CCDC170: variants seen among roughly 807,000 people sequenced by gnomAD.
CCDC170 encodes coiled-coil domain containing 170.
A neutral mutation model predicts 72.6 loss-of-function variants in CCDC170; 69 were observed. That is an observed-to-expected ratio of 0.95 (90% CI 0.78 to 1.16). The LOEUF (loss-of-function observed/expected upper bound fraction) is 1.16. Ranked by LOEUF, CCDC170 falls within the 50% of genes most tolerant of loss-of-function variation. The pLI is 0.00. For synonymous variants in CCDC170, 300 were observed against 303.9 expected, an observed-to-expected ratio of 0.99 and a Z score of 0.13; for missense variants, 852 against 832.5, an observed-to-expected ratio of 1.02 and a Z score of -0.29.
At chr6:151,556,578 T>C (rs1782979547) in intron 5 of CCDC170, among the ~76,000 whole-genome samples, 1 of 152,256 alleles carries the variant, frequency 6.6e-6, no homozygotes, top group African/African-American at 2.4e-5. Flanking sequence ...AAGAATTTCA[T>C]GCCTCCTACT....
intron 5 of CCDC170, among the ~76,000 whole-genome samples, chr6:151,552,791 T>C (rs1782903650): frequency 7.2e-6 from 1 of 138,794 alleles, no homozygotes; most frequent in Admixed American, 7.3e-5. Context: ...TTTTTTTTTT[T>C]TTTTTTTTTT....
intron 7 of CCDC170, among the ~76,000 whole-genome samples, chr6:151,586,737 T>C (rs1041484322): frequency 1.3e-5 from 2 of 152,010 alleles, no homozygotes; most frequent in Non-Finnish European, 1.5e-5. Context: ...ATATGAAGTG[T>C]GGTAAGTGTG....
At chr6:151,592,314 C>A (rs1776553583) in intron 7 of CCDC170, among the ~76,000 whole-genome samples, 1 of 152,110 alleles carries the variant, frequency 6.6e-6, no homozygotes, top group African/African-American at 2.4e-5. Context: ...GAGCCAAGAT[C>A]AAGCCACTGT....
At chr6:151,602,170 C>T (rs1776719393) in intron 9 of CCDC170, among the ~76,000 whole-genome samples, 1 of 152,026 alleles carries the variant, frequency 6.6e-6, no homozygotes. Context: ...AATTCTAGAC[C>T]AAGAAAAAGT....
At chr6:151,580,035 C>A (rs1270367715) in intron 6 of CCDC170, among the ~76,000 whole-genome samples, 1 of 152,142 alleles carries the variant, frequency 6.6e-6, no homozygotes, top group Non-Finnish European at 1.5e-5. Context: ...TTACATCTTC[C>A]TTTAGGGTCA....
chr6:151,521,860 C>CTGTA (rs1782321503), intron 1 of CCDC170, among the ~76,000 whole-genome samples: 1 of 152,042 alleles, frequency 6.6e-6, no homozygotes, highest in Non-Finnish European at 1.5e-5. Context: ...GTGGCAGGCC[C>CTGTA]CTGTAGTCCC....
chr6:151,545,249 G>A (rs1463515922), intron 4 of CCDC170, among the ~76,000 whole-genome samples: 2 of 151,916 alleles, frequency 1.3e-5, no homozygotes, highest in African/African-American at 4.8e-5. Context: ...GAGAAACCCC[G>A]TCTCTACTAA....
rs1777003111 is a variant in CCDC170 at position 151,618,305 on chromosome 6, C to G, written c.*158C>G. 1 of 638,608 alleles carries G rather than the reference C, an allele frequency of 1.6e-6. No homozygotes were observed. The highest frequency in any genetic ancestry group is 2.1e-5 in the South Asian group (1 of 46,536). 39.6% of individuals were successfully genotyped at this position (638,608 alleles called of 1,614,324 possible). A position where few individuals can be genotyped will look rare whatever the true frequency, so the allele number is the denominator to read the frequency against. ...CTTGCAAAAACGATCTCAAAAGTGT[C>G]AGCCTTAGATAAACGTTCAGCATTA... is the stretch of plus-strand genomic sequence containing the variant. On this transcript the variant is annotated 3_prime_UTR_variant, in exon 11 of 11. Transcript: ENST00000239374.
chr6:151,562,181 C>T (rs1370466094), intron 5 of CCDC170, among the ~76,000 whole-genome samples: 1 of 151,866 alleles, frequency 6.6e-6, no homozygotes, highest in African/African-American at 2.4e-5. Flanking sequence ...ATTGAGTTTC[C>T]TTGCAATCCG....
At chr6:151,546,275 A>G (rs529497257) in intron 4 of CCDC170, among the ~76,000 whole-genome samples, 1 of 152,210 alleles carries the variant, frequency 6.6e-6, no homozygotes, top group East Asian at 1.9e-4. Context: ...CCCTATGGCT[A>G]ACTTGTGACC....
chr6:151,506,878 A>G (rs1442518250), intron 1 of CCDC170, among the ~76,000 whole-genome samples: 1 of 152,140 alleles, frequency 6.6e-6, no homozygotes, highest in Non-Finnish European at 1.5e-5. Context: ...TGCCTCCACA[A>G]TCCCTTTAGA....
intron 7 of CCDC170, among the ~76,000 whole-genome samples, chr6:151,591,624 A>G (rs1583041179): frequency 1.3e-5 from 2 of 151,904 alleles, no homozygotes; most frequent in African/African-American, 2.4e-5. Context: ...CCTCCCAAGT[A>G]GCTGGGACTA....
intron 5 of CCDC170, among the ~76,000 whole-genome samples, chr6:151,552,435 T>A (rs1213051372): frequency 6.6e-6 from 1 of 152,180 alleles, no homozygotes; most frequent in Non-Finnish European, 1.5e-5. Flanking sequence ...AACTATTACA[T>A]CATGGGTGGC....
intron 8 of CCDC170, among the ~76,000 whole-genome samples, chr6:151,594,149 G>T (rs1776586323): frequency 6.6e-6 from 1 of 152,208 alleles, no homozygotes; most frequent in Non-Finnish European, 1.5e-5. Flanking sequence ...ATTGGGGAAA[G>T]AAATAGGAAA....
intron 3 of CCDC170, among the ~76,000 whole-genome samples, chr6:151,540,333 CT>C: frequency 7.0e-6 from 1 of 143,220 alleles, no homozygotes; most frequent in Admixed American, 7.3e-5. Context: ...CCTCCTCTTC[CT>C]TCCTCTTCCT....
rs1329318062 is a variant in CCDC170, at chr6:151,618,672, T to A, written c.*525T>A. 6.3e-6 allele frequency: 1 copy of A among 158,484 alleles called. No individual in the cohort carries two copies. The highest frequency in any genetic ancestry group is 2.4e-5 in the African/African-American group (1 of 41,468). 9.8% of individuals were successfully genotyped at this position (158,484 alleles called of 1,614,324 possible). On this transcript the variant is annotated 3_prime_UTR_variant, in exon 11 of 11. Coordinates refer to ENST00000239374, the MANE Select transcript of CCDC170 (RefSeq NM_025059.4). ...TTCTCCTGAATCTCTGTGATGCTGG[T>A]GGGAATTGTTTGCATAGAGGAAGGA...
At chr6:151,499,122 G>A (rs1477556915) in intron 1 of CCDC170, among the ~76,000 whole-genome samples, 1 of 140,542 alleles carries the variant, frequency 7.1e-6, no homozygotes. Flanking sequence ...TGTATAAGTG[G>A]AATCATACTG....
rs1322382710 is a variant in CCDC170 at position 151,538,167 on chromosome 6, C to G, written c.309C>G (p.Asp103Glu). The G allele has an allele frequency of 1.9e-6, 3 of 1,613,820 alleles. No individual in the cohort carries two copies. In the African/African-American group the frequency reaches 4.0e-5, roughly 22 times the overall value. ...CATCTCTCCTTACCTCTTTGAGAGA[C>G]AGAGTTCAGGAACTAGAAGAAGAAT... ...RKSSLLTSLRDRVQELEEESA... is the reference protein window; with the variant it reads ...RKSSLLTSLRERVQELEEESA... Residue 103 changes from aspartate (D) to glutamate (E), a missense_variant, in exon 3 of 11, where the codon GAC becomes GAG. Transcript: ENST00000239374.
At chr6:151,593,079 C>A in intron 7 of CCDC170, 28 bp from the exon 8 acceptor site, 1 of 1,611,642 alleles carries the variant, frequency 6.2e-7, no homozygotes, top group South Asian at 1.1e-5. Flanking sequence ...CTTTCATGTC[C>A]CATTTTTGTT....
Sources: gnomAD v4.1 joint callset for allele counts (sites outside exome capture counted in the v4.1 genomes callset) on GRCh38, gnomAD v4.1.1 for gene constraint, MANE v1.5 for transcripts, NCBI Gene and HGNC (gene_info 2026-07-23, HGNC 2026-07-21) for gene names.